The following TMEM272 variants were observed in gnomAD, a reference collection of about 807,000 sequenced individuals.
TMEM272 encodes long intergenic non-protein coding RNA 282.
A neutral mutation model predicts 3.7 loss-of-function variants in TMEM272; 8 were observed. The ratio of observed to expected loss-of-function variants is 2.17; its 90% CI spans 1.27 to 3.91. TMEM272 has a LOEUF of 3.91. Ranked by LOEUF, TMEM272 falls within the 30% of genes most tolerant of loss-of-function variation. The pLI is 0.00. For missense variants in TMEM272, 166 were observed against 91.5 expected, an observed-to-expected ratio of 1.81 and a Z score of -3.32; for synonymous variants, 63 against 39.8, an observed-to-expected ratio of 1.58 and a Z score of -2.20.
At chr13:51,931,260 T>C in the TMEM272 span, among the ~76,000 whole-genome samples, 14,975 of 144,730 alleles carry the variant, frequency 0.1, 1,082 homozygotes, top group African/African-American at 0.22. Context: ...ATGTACACCA[T>C]GGAATGCTAT....
At chr13:51,865,489 C>T in the TMEM272 span, 1 of 1,614,144 alleles carries the variant, frequency 6.2e-7, no homozygotes, top group Non-Finnish European at 8.5e-7. Flanking sequence ...CCAGTATTCG[C>T]CAGAAGAAAC....
At chr13:51,852,384 C>T in the TMEM272 span, among the ~76,000 whole-genome samples, 1 of 152,184 alleles carries the variant, frequency 6.6e-6, no homozygotes, top group Non-Finnish European at 1.5e-5. Context: ...AAAACGGGCA[C>T]TGTGGATATA....
chr13:51,849,440 C>G (rs908683864), upstream of TMEM272, among the ~76,000 whole-genome samples: 1 of 152,192 alleles, frequency 6.6e-6, no homozygotes. Context: ...CTTAACACTA[C>G]TGAGCTGTAC....
chr13:51,892,390 T>A, the TMEM272 span, among the ~76,000 whole-genome samples: 3 of 152,218 alleles, frequency 2.0e-5, no homozygotes, highest in Non-Finnish European at 4.4e-5. Context: ...CAGACTTGTG[T>A]GGCAGAAAAA....
chr13:51,829,612 G>C (rs1005191000), intron 2 of TMEM272, among the ~76,000 whole-genome samples: 1 of 152,104 alleles, frequency 6.6e-6, no homozygotes, highest in African/African-American at 2.4e-5. Flanking sequence ...TTTGACCTTG[G>C]AGCTTGTTAC....
chr13:51,838,682 C>A, intron 1 of TMEM272, 129 bp from the exon 2 acceptor site: 1 of 674,244 alleles, frequency 1.5e-6, no homozygotes, highest in South Asian at 1.6e-5. Flanking sequence ...GGCCTGGGTG[C>A]CAGTGTCAGG....
chr13:51,862,498 G>A, the TMEM272 span, among the ~76,000 whole-genome samples: 1 of 152,104 alleles, frequency 6.6e-6, no homozygotes, highest in Admixed American at 6.5e-5. Context: ...AAACTTGGAG[G>A]TGAATGTTTT....
At chr13:51,875,602 C>T in the TMEM272 span, among the ~76,000 whole-genome samples, 2 of 152,186 alleles carry the variant, frequency 1.3e-5, no homozygotes, top group Admixed American at 6.5e-5. Flanking sequence ...TCCAGACCCA[C>T]TGGAGGGTCA....
chr13:51,881,493 C>T, the TMEM272 span, among the ~76,000 whole-genome samples: 1 of 152,088 alleles, frequency 6.6e-6, no homozygotes, highest in Non-Finnish European at 1.5e-5. Context: ...GCTTCAAGGG[C>T]TGGACAGAAG....
the TMEM272 span, among the ~76,000 whole-genome samples, chr13:51,889,161 TG>T: frequency 6.6e-6 from 1 of 152,262 alleles, no homozygotes. Context: ...AATAAATTTC[TG>T]GGTAGAAGAG....
chr13:51,906,301 C>A, the TMEM272 span, among the ~76,000 whole-genome samples: 1 of 152,184 alleles, frequency 6.6e-6, no homozygotes, highest in Non-Finnish European at 1.5e-5. Flanking sequence ...TTCACTGAAA[C>A]AGGGCAGGCT....
intron 1 of TMEM272, among the ~76,000 whole-genome samples, chr13:51,841,892 T>G (rs1956266832): frequency 6.6e-6 from 1 of 152,202 alleles, no homozygotes; most frequent in Non-Finnish European, 1.5e-5. Flanking sequence ...GAATGTTCCC[T>G]AAGAGACAGG....
chr13:51,912,456 G>A, the TMEM272 span, among the ~76,000 whole-genome samples: 1 of 152,194 alleles, frequency 6.6e-6, no homozygotes, highest in Non-Finnish European at 1.5e-5. Flanking sequence ...TCGGGAAACT[G>A]ATCTCTTACT....
At position 51,844,321 on chromosome 13, in the gene TMEM272, C is replaced by A. The variant is rs184210639; in HGVS notation, c.-24+695G>T. Among the ~76,000 whole-genome samples, 101 of 151,884 alleles carry A rather than the reference C, an allele frequency of 6.6e-4. 1 individual carries two copies. Among genetic ancestry groups the A allele is most frequent in the East Asian group, 3.9e-4 (2 of 5,172 alleles). ...TTTATTCCTAAATCAGCTGTGAGGA[C>A]CAACTCACTCTTGGTTTTGAATAAC... On this transcript the variant is annotated intron_variant, in intron 1 of 4. Coordinates refer to ENST00000629372, the MANE Select transcript of TMEM272 (RefSeq NM_001351003.2).
At chr13:51,838,841 TTGCTGAGCAATGGC>T (rs1956237582) in intron 1 of TMEM272, among the ~76,000 whole-genome samples, 1 of 152,262 alleles carries the variant, frequency 6.6e-6, no homozygotes, top group East Asian at 1.9e-4. Context: ...CAGCTCTCAC[TTGCTGAGCAATGGC>T]TGCAGCCAGG....
chr13:51,909,995 T>C, the TMEM272 span: 20 of 1,555,832 alleles, frequency 1.3e-5, no homozygotes, highest in Non-Finnish European at 1.6e-5. Flanking sequence ...TCGAAGCATC[T>C]TGTATTCCTA....
chr13:51,908,864 A>T, the TMEM272 span: 3 of 1,433,430 alleles, frequency 2.1e-6, no homozygotes, highest in East Asian at 6.8e-5. Flanking sequence ...CAGTGTCAGA[A>T]GGAGCCTTGT....
the TMEM272 span, chr13:51,910,426 C>T: frequency 3.1e-6 from 3 of 963,702 alleles, no homozygotes; most frequent in Non-Finnish European, 5.1e-6. Flanking sequence ...CGACTCCTAA[C>T]CGATCTAAAA....
intron 2 of TMEM272, among the ~76,000 whole-genome samples, chr13:51,831,533 G>C (rs1956173248): frequency 1.3e-5 from 2 of 152,244 alleles, no homozygotes; most frequent in Non-Finnish European, 2.9e-5. Context: ...GGTGTGAGGT[G>C]CTGGGGTTGG....
Sources: gnomAD v4.1 joint callset for allele counts (sites outside exome capture counted in the v4.1 genomes callset) on GRCh38, gnomAD v4.1.1 for gene constraint, MANE v1.5 for transcripts, NCBI Gene and HGNC (gene_info 2026-07-23, HGNC 2026-07-21) for gene names.